The following AGBL3 variants were observed in gnomAD, a reference collection of about 807,000 sequenced individuals.
AGBL3 encodes cytosolic carboxypeptidase 3.
In AGBL3, 68 loss-of-function variants were observed where a neutral mutation model predicts 94.5. That is an observed-to-expected ratio of 0.72 (90% confidence interval 0.59 to 0.88). AGBL3 has a LOEUF of 0.88. Among genes scored for constraint, AGBL3 ranks in the 40% least tolerant of loss-of-function variants. AGBL3 has a pLI of 0.00. For missense variants in AGBL3, 934 were observed against 1,103.8 expected, an observed-to-expected ratio of 0.85 and a Z score of 2.18; for synonymous variants, 354 against 370.7, an observed-to-expected ratio of 0.95 and a Z score of 0.52.
intron 13 of AGBL3, among the ~76,000 whole-genome samples, chr7:135,078,793 T>C (rs914697630): frequency 6.6e-6 from 1 of 152,126 alleles, no homozygotes; most frequent in Admixed American, 6.5e-5. Flanking sequence ...TAATAGCAGA[T>C]TGTGGTCACT....
At chr7:135,065,970 A>G (rs988439454) in intron 12 of AGBL3, among the ~76,000 whole-genome samples, 4 of 152,238 alleles carry the variant, frequency 2.6e-5, no homozygotes, top group Non-Finnish European at 5.9e-5. Flanking sequence ...ACACACAAAA[A>G]GTCAACTGAA....
At chr7:135,005,271 A>C (rs1812241255) in intron 4 of AGBL3, among the ~76,000 whole-genome samples, 2 of 151,868 alleles carry the variant, frequency 1.3e-5, no homozygotes, top group South Asian at 4.1e-4. Flanking sequence ...GAAATTCACA[A>C]CTCTAATTGT....
chr7:135,051,146 C>T (rs541780857), intron 11 of AGBL3: 49 of 371,894 alleles, frequency 1.3e-4, no homozygotes, highest in South Asian at 1.0e-3. Flanking sequence ...TATAAGCTCC[C>T]ACTTATAGGT....
At position 135,059,681 on chromosome 7, in the gene AGBL3, GATAAGTAAAATAC is replaced by G. The variant is rs543589402; in HGVS notation, c.1908+449_1908+461del. Among the ~76,000 whole-genome samples, 6 of 152,246 alleles carry G rather than the reference GATAAGTAAAATAC, an allele frequency of 3.9e-5. No homozygotes were observed. In the South Asian group the frequency reaches 1.2e-3, roughly 32 times the overall value. On this transcript the variant is annotated intron_variant, in intron 12 of 16. Coordinates refer to ENST00000436302, the MANE Select transcript of AGBL3 (RefSeq NM_178563.4). ...GCTGGGGGAGATACAAAATAAAGAAGATAAGTAAAATACATGATGTGTTACATGGGATAAGTGC... is the reference window on the plus strand; with the variant it reads ...GCTGGGGGAGATACAAAATAAAGAAGATGATGTGTTACATGGGATAAGTGC...
At chr7:135,007,584 T>C (rs1250970817) in intron 4 of AGBL3, among the ~76,000 whole-genome samples, 1 of 152,052 alleles carries the variant, frequency 6.6e-6, no homozygotes, top group East Asian at 1.9e-4. Flanking sequence ...GACTAGATGC[T>C]TTCCCCATAA....
chr7:135,010,532 A>G (rs1813015861), intron 4 of AGBL3: 1 of 153,516 alleles, frequency 6.5e-6, no homozygotes, highest in Non-Finnish European at 1.5e-5. Flanking sequence ...TTTAAGTCTA[A>G]GGATTAAATA....
intron 5 of AGBL3, among the ~76,000 whole-genome samples, chr7:135,032,602 C>T (rs1319843884): frequency 1.3e-5 from 2 of 151,712 alleles, no homozygotes; most frequent in Non-Finnish European, 2.9e-5. Context: ...ACAGACATGA[C>T]CCACTGCGCC....
At chr7:135,057,370 A>C (rs891381891) in intron 11 of AGBL3, among the ~76,000 whole-genome samples, 2 of 152,184 alleles carry the variant, frequency 1.3e-5, no homozygotes, top group Non-Finnish European at 2.9e-5. Context: ...TGACAAAATC[A>C]TGATCCATGA....
rs1045287696 is a variant in AGBL3, at chr7:135,109,866, G to A, written c.2111-5514G>A. Among the ~76,000 whole-genome samples the A allele has an allele frequency of 2.6e-5, 4 of 152,168 alleles. No homozygotes were observed. In the East Asian group the frequency reaches 5.8e-4, roughly 22 times the overall value. On this transcript the variant is annotated intron_variant, in intron 15 of 16. Transcript: ENST00000436302. ...GCTAAGGCTGTGAAATAGCAAAGACGGTGGCCCATCCTTTCTCGTGGAAGC... is the reference window on the plus strand; with the variant it reads ...GCTAAGGCTGTGAAATAGCAAAGACAGTGGCCCATCCTTTCTCGTGGAAGC...
chr7:135,109,899 C>T (rs1009177859), intron 15 of AGBL3, among the ~76,000 whole-genome samples: 2 of 152,206 alleles, frequency 1.3e-5, no homozygotes, highest in Non-Finnish European at 2.9e-5. Flanking sequence ...AGCTCTATAC[C>T]AGGGAGGCTC....
intron 13 of AGBL3, among the ~76,000 whole-genome samples, chr7:135,077,046 C>G (rs917868519): frequency 1.3e-5 from 2 of 152,218 alleles, no homozygotes; most frequent in Non-Finnish European, 2.9e-5. Context: ...TCCTCTACCC[C>G]CACCCGACTC....
At chr7:135,028,280 G>A (rs548013295) in intron 5 of AGBL3, among the ~76,000 whole-genome samples, 1 of 151,598 alleles carries the variant, frequency 6.6e-6, no homozygotes, top group South Asian at 2.1e-4. Context: ...TCTGTAGCAT[G>A]TGATGCTATT....
At chr7:135,041,619 T>TAGAAGAAAAA (rs1228159369) in intron 8 of AGBL3, among the ~76,000 whole-genome samples, 1 of 24,008 alleles carries the variant, frequency 4.2e-5, no homozygotes, top group Admixed American at 4.9e-4. Flanking sequence ...TAGAAGAAAA[T>TAGAAGAAAAA]TTTTATGACA....
Position 135,059,175 on chromosome 7 carries a change from A to C in AGBL3, c.1848A>C (p.Arg616=). Residue 616 remains arginine, a synonymous_variant, in exon 12 of 17, where the codon CGA becomes CGC. Transcript: ENST00000436302. ...AAAATTATTTTTTTTGTAGTAGCCG[A>C]GGCTCTGACAGTTCAGAATCCATTG... is the stretch of plus-strand genomic sequence containing the variant. ...DITLDVESSS[R]GSDSSESIDS... is the part of the protein sequence containing the mutation. 3 of 1,550,708 alleles carry C rather than the reference A, an allele frequency of 1.9e-6. No homozygotes were observed. Among genetic ancestry groups the C allele is most frequent in the Non-Finnish European group, 2.6e-6 (3 of 1,146,500 alleles).
chr7:135,128,379 T>C (rs1828251375), intron 16 of AGBL3: 1 of 518,994 alleles, frequency 1.9e-6, no homozygotes, highest in African/African-American at 2.0e-5. Flanking sequence ...GGTGGGAGTG[T>C]AGCAGTGAGG....
At chr7:134,988,772 T>C (rs1271032205) in intron 2 of AGBL3, among the ~76,000 whole-genome samples, 1 of 151,964 alleles carries the variant, frequency 6.6e-6, no homozygotes, top group Non-Finnish European at 1.5e-5. Context: ...GTAGCTGGGA[T>C]TACAGGCATG....
chr7:135,049,087 G>A (rs775076533), intron 11 of AGBL3, among the ~76,000 whole-genome samples: 13 of 151,544 alleles, frequency 8.6e-5, no homozygotes, highest in African/African-American at 9.7e-5. Context: ...TTTCATATAC[G>A]GCCTATATTA....
In AGBL3 at chr7:134,987,894, C is replaced by G. The variant is rs1809674597; in HGVS notation, c.-40C>G. ...CCTTAGAAATTGTTTTACAGCCTAC[C>G]CGTATATTACAAGAAATCTCAAGTC... On this transcript the variant is annotated 5_prime_UTR_variant, in exon 2 of 17. Transcript: ENST00000436302. The G allele has an allele frequency of 6.9e-7, 1 of 1,455,076 alleles. No homozygotes were observed. Among genetic ancestry groups the G allele is most frequent in the African/African-American group, 1.4e-5 (1 of 70,484 alleles). The allele number at this position is 1,455,076 out of a possible 1,614,324, so 90.1% of individuals were successfully genotyped here. A position where few individuals can be genotyped will look rare whatever the true frequency, so the allele number is the denominator to read the frequency against.
At chr7:135,018,336 C>T (rs558905832) in intron 5 of AGBL3, among the ~76,000 whole-genome samples, 42 of 152,340 alleles carry the variant, frequency 2.8e-4, no homozygotes, top group African/African-American at 9.9e-4. Flanking sequence ...AAACCAATTT[C>T]ACTATCCTCC....
Sources: allele counts gnomAD v4.1 joint callset (sites outside exome capture counted in the v4.1 genomes callset), GRCh38; gene constraint gnomAD v4.1.1; transcripts MANE v1.5; gene names NCBI Gene and HGNC (gene_info 2026-07-23, HGNC 2026-07-21).